The following MET variants were observed in gnomAD, a reference collection of about 807,000 sequenced individuals.
MET encodes the protein hepatocyte growth factor receptor.
MET carries 48 observed loss-of-function variants against 133.1 expected under a neutral mutation model. That is an observed-to-expected ratio of 0.36 (90% CI 0.29 to 0.46). MET has a LOEUF of 0.46. Ranked by LOEUF, MET falls within the 20% of genes least tolerant of loss-of-function variation. MET has a pLI of 1.00. For missense variants in MET, 1,442 were observed against 1,695.9 expected, an observed-to-expected ratio of 0.85 and a Z score of 2.63; for synonymous variants, 628 against 616.5, an observed-to-expected ratio of 1.02 and a Z score of -0.28.
intron 19 of MET, among the ~76,000 whole-genome samples, chr7:116,783,728 C>A (rs1046089920): frequency 6.6e-6 from 1 of 152,202 alleles, no homozygotes; most frequent in African/African-American, 2.4e-5. Flanking sequence ...TGAACCCTGT[C>A]GGCCAAGAAC....
At position 116,731,596 on chromosome 7, in the gene MET, A is replaced by G. The variant is rs1024727952; in HGVS notation, c.1201-72A>G. On this transcript the variant is annotated intron_variant, in intron 2 of 20. Transcript: ENST00000397752. ...ATTATCCTCCAGGCTCTGAAAATAC[A>G]CACTGAAAGGTTTCTTACCAGCTTG... The G allele has an allele frequency of 4.7e-6, 7 of 1,496,460 alleles. No individual in the cohort carries two copies. The African/African-American group carries it at 6.9e-5, about 15-fold the overall frequency. 92.7% of individuals were successfully genotyped at this position (1,496,460 alleles called of 1,614,324 possible). A position where few individuals can be genotyped will look rare whatever the true frequency, so the allele number is the denominator to read the frequency against.
chr7:116,691,923 G>A (rs947613549), intron 1 of MET, among the ~76,000 whole-genome samples: 28 of 152,170 alleles, frequency 1.8e-4, no homozygotes, highest in African/African-American at 5.3e-4. Flanking sequence ...TGTAGACCAT[G>A]TGATTGACAG....
Position 116,699,183 on chromosome 7 carries a change from C to A in MET, c.99C>A (p.Ser33=). 1 of 1,613,870 alleles carries A rather than the reference C, an allele frequency of 6.2e-7. No homozygotes were observed. Among genetic ancestry groups the A allele is most frequent in the Non-Finnish European group, 8.5e-7 (1 of 1,179,898 alleles). The change falls in exon 2 of 21, where the codon TCC becomes TCA. Residue 33 remains serine, a synonymous_variant. Transcript: ENST00000397752. ...NGECKEALAK[S]EMNVNMKYQL... ...AGTGTAAAGAGGCACTAGCAAAGTCCGAGATGAATGTGAATATGAAGTATC... is the reference window on the plus strand; with the variant it reads ...AGTGTAAAGAGGCACTAGCAAAGTCAGAGATGAATGTGAATATGAAGTATC...
intron 15 of MET, among the ~76,000 whole-genome samples, chr7:116,776,242 T>A (rs1329833092): frequency 6.6e-6 from 1 of 152,218 alleles, no homozygotes; most frequent in Non-Finnish European, 1.5e-5. Context: ...TGTGGTAGCA[T>A]CCACACATTC....
rs587782205 is a variant in MET, at chr7:116,763,228, T to C, written c.2543T>C (p.Val848Ala). Residue 848 changes from valine (V) to alanine (A), a missense_variant, in exon 11 of 21, where the codon GTG (valine) becomes GCG (alanine). Val to Ala is a moderately conservative substitution (Grantham distance 64). Transcript: ENST00000397752. ...NPVFKPFEKP[V>A]MISMGNENVL... ...GTGTTTAAGCCTTTTGAAAAGCCAG[T>C]GATGATCTCAATGGGCAATGAAAAT... 165 of 1,613,862 alleles carry C rather than the reference T, an allele frequency of 1.0e-4. No individual in the cohort carries two copies. The highest frequency in any genetic ancestry group is 1.3e-4 in the Non-Finnish European group (155 of 1,179,938).
At chr7:116,782,248 G>C (rs1263817135) in intron 18 of MET, 151 bp downstream of exon 18, 6 of 698,434 alleles carry the variant, frequency 8.6e-6, no homozygotes, top group Non-Finnish European at 1.5e-5. Context: ...AAGCCCTGGG[G>C]ATGTGGGTGG....
intron 5 of MET, among the ~76,000 whole-genome samples, chr7:116,749,694 G>T (rs1258549372): frequency 6.6e-6 from 1 of 152,128 alleles, no homozygotes; most frequent in South Asian, 2.1e-4. Flanking sequence ...TGACATGATT[G>T]CATATTTAGA....
At chr7:116,745,219 C>T (rs1261051921) in intron 5 of MET, among the ~76,000 whole-genome samples, 3 of 152,112 alleles carry the variant, frequency 2.0e-5, no homozygotes, top group Non-Finnish European at 4.4e-5. Context: ...ATCCAACTTA[C>T]AAGGGATGTG....
intron 3 of MET, among the ~76,000 whole-genome samples, chr7:116,738,957 G>C (rs981147597): frequency 1.3e-5 from 2 of 152,150 alleles, no homozygotes; most frequent in East Asian, 3.8e-4. Flanking sequence ...GCGAGTAAAT[G>C]CATGTTCAAT....
In MET at chr7:116,745,260, C is replaced by T. The variant is rs370865031; in HGVS notation, c.1701+4235C>T. Among the ~76,000 whole-genome samples, 10 of 152,246 alleles carry T rather than the reference C, an allele frequency of 6.6e-5. No individual in the cohort carries two copies. The East Asian group carries it at 1.5e-3, about 23-fold the overall frequency. On this transcript the variant is annotated intron_variant, in intron 5 of 20. Transcript: ENST00000397752. The stretch of plus-strand genomic sequence containing the variant: ...CCTCTTCAAGGAGAACTACAAACCA[C>T]TGCTCAAGGAAATAAAAGAGGATAC...
intron 3 of MET, among the ~76,000 whole-genome samples, chr7:116,733,177 C>G (rs1226720935): frequency 6.6e-6 from 1 of 151,982 alleles, no homozygotes; most frequent in Non-Finnish European, 1.5e-5. Context: ...ATGCTCATAT[C>G]TATTATGTGT....
rs552985441 is a variant in MET at position 116,768,216 on chromosome 7, A to G, written c.2584-1429A>G. Among the ~76,000 whole-genome samples the G allele has an allele frequency of 1.8e-4, 28 of 152,260 alleles. No homozygotes were observed. In the East Asian group the frequency reaches 2.5e-3, roughly 14 times the overall value. ...TAAGTATTGGAAACACAAATGTTGTACATTCATCCCTTCCCCCAACCTTAG... is the reference window on the plus strand; with the variant it reads ...TAAGTATTGGAAACACAAATGTTGTGCATTCATCCCTTCCCCCAACCTTAG... On this transcript the variant is annotated intron_variant, in intron 11 of 20. Coordinates refer to ENST00000397752, the MANE Select transcript of MET (RefSeq NM_000245.4).
chr7:116,754,885 G>A (rs13309275), intron 5 of MET, among the ~76,000 whole-genome samples: 41 of 97,720 alleles, frequency 4.2e-4, no homozygotes, highest in East Asian at 6.0e-4. Flanking sequence ...GAGAGAGAGA[G>A]AGAAAGAGAG....
At chr7:116,735,475 A>G (rs1793177352) in intron 3 of MET, among the ~76,000 whole-genome samples, 1 of 152,190 alleles carries the variant, frequency 6.6e-6, no homozygotes, top group South Asian at 2.1e-4. Context: ...CCTGTCTTCA[A>G]ATTCCTTCAG....
At chr7:116,732,701 A>G (rs1162894470) in intron 3 of MET, among the ~76,000 whole-genome samples, 4 of 152,200 alleles carry the variant, frequency 2.6e-5, no homozygotes, top group African/African-American at 4.8e-5. Context: ...CCCTCATCAG[A>G]CAATAACCTC....
rs1328110342 is a variant in MET, at chr7:116,700,126, C to A, written c.1042C>A (p.Gln348Lys). 6.2e-7 allele frequency: 1 copy of A among 1,602,276 alleles called. No individual in the cohort carries two copies. The stretch of plus-strand genomic sequence containing the variant: ...TGACATTCTTTTCGGGGTGTTCGCA[C>A]AAAGCAAGCCAGATTCTGCCGAACC... ...NDDILFGVFAQSKPDSAEPMD... is the reference protein window; with the variant it reads ...NDDILFGVFAKSKPDSAEPMD... Residue 348 changes from glutamine to lysine, a missense_variant, in exon 2 of 21, where the codon CAA becomes AAA. This residue lies in a region of MET where 762 missense variants were observed against 792.4 expected (regional missense o/e 0.96). Coordinates refer to ENST00000397752, the MANE Select transcript of MET (RefSeq NM_000245.4).
chr7:116,676,987 TG>T (rs1796180720), intron 1 of MET, among the ~76,000 whole-genome samples: 1 of 102,954 alleles, frequency 9.7e-6, no homozygotes, highest in East Asian at 2.3e-4. Context: ...AGTGTTGTTT[TG>T]TTTTTTTTTT....
chr7:116,698,950 C>T, intron 1 of MET, 121 bp from the exon 2 acceptor site: 1 of 1,383,946 alleles, frequency 7.2e-7, no homozygotes, highest in Non-Finnish European at 9.9e-7. Context: ...TTTTTGTTTT[C>T]CTTCTATGTA....
intron 15 of MET, among the ~76,000 whole-genome samples, chr7:116,775,786 C>A (rs1393087394): frequency 6.6e-6 from 1 of 152,172 alleles, no homozygotes; most frequent in Non-Finnish European, 1.5e-5. Context: ...TCCAGTCTTT[C>A]TTTACCCTGA....
Sources: allele counts gnomAD v4.1 joint callset (sites outside exome capture counted in the v4.1 genomes callset), GRCh38; gene constraint gnomAD v4.1.1; regional missense constraint gnomAD v4.1.1; transcripts MANE v1.5; gene names NCBI Gene and HGNC (gene_info 2026-07-23, HGNC 2026-07-21).